NSD3: variants seen among roughly 807,000 people sequenced by gnomAD.
NSD3 encodes histone-lysine N-methyltransferase NSD3.
A neutral mutation model predicts 160.8 loss-of-function variants in NSD3; 24 were observed. The ratio of observed to expected loss-of-function variants is 0.15; its 90% CI spans 0.11 to 0.21. The LOEUF is 0.21. Among genes scored for constraint, NSD3 ranks in the 10% least tolerant of loss-of-function variants. The probability of loss-of-function intolerance (pLI) is 1.00; values close to 1 mark genes in which losing one functional copy is unlikely to be tolerated. For synonymous variants in NSD3, 520 were observed against 600.0 expected (o/e 0.87, Z 1.95); for missense variants, 1,157 against 1,735.9 (o/e 0.67, Z 5.93).
At chr8:38,282,929 C>G (rs1808766151) in intron 19 of NSD3, among the ~76,000 whole-genome samples, 1 of 152,172 alleles carries the variant, frequency 6.6e-6, no homozygotes, top group African/African-American at 2.4e-5. Context: ...TATGAACATT[C>G]TGGTGAAAGT....
At chr8:38,281,432 T>C in intron 20 of NSD3, 35 bp downstream of exon 20, 1 of 1,146,226 alleles carries the variant, frequency 8.7e-7, no homozygotes, top group Non-Finnish European at 1.2e-6. Context: ...CAAAAACAAA[T>C]CCCTTTTTCT....
intron 7 of NSD3, among the ~76,000 whole-genome samples, chr8:38,326,040 C>T (rs1349999764): frequency 6.6e-6 from 1 of 151,572 alleles, no homozygotes; most frequent in Non-Finnish European, 1.5e-5. Context: ...CCCAGCTACT[C>T]AGGAGGCTGA....
Position 38,288,477 on chromosome 8 carries a change from C to T in NSD3, c.3501+10G>A. Reference sequence around the variant, plus strand: ...GGTCTCTTCCACCCCCCACCACCATCCCATGCTACCTTCTTAATGCTCCTT... The same window carrying T: ...GGTCTCTTCCACCCCCCACCACCATTCCATGCTACCTTCTTAATGCTCCTT... On this transcript the variant is annotated intron_variant, in intron 19 of 23. Transcript: ENST00000317025. The surrounding 1 kb of genome is among the most constrained non-coding windows in gnomAD (Gnocchi z 4.5). 6.2e-7 allele frequency: 1 copy of T among 1,612,574 alleles called. No individual in the cohort carries two copies. Among genetic ancestry groups the T allele is most frequent in the Non-Finnish European group, 8.5e-7 (1 of 1,178,818 alleles).
Position 38,271,784 on chromosome 8 carries a change from A to G in NSD3, c.*3857T>C. The stretch of plus-strand genomic sequence containing the variant: ...CCTTTTTCTCATATGGAAGTATAGA[A>G]TGTCAGCTTCCCAGCTGTGAGGGCT... On this transcript the variant is annotated 3_prime_UTR_variant, in exon 24 of 24. Coordinates refer to ENST00000317025, the MANE Select transcript of NSD3 (RefSeq NM_023034.2). 6.6e-6 allele frequency: 1 copy of G among 152,232 alleles called. No homozygotes were observed. The highest frequency in any genetic ancestry group is 1.9e-4 in the East Asian group (1 of 5,198). 9.4% of individuals were successfully genotyped at this position (152,232 alleles called of 1,614,324 possible).
At chr8:38,341,727 G>C (rs1263892703) in intron 2 of NSD3, among the ~76,000 whole-genome samples, 3 of 151,984 alleles carry the variant, frequency 2.0e-5, no homozygotes, top group Non-Finnish European at 4.4e-5. Context: ...TGGGGCAGGT[G>C]GATCACTTGA....
chr8:38,286,891 T>A (rs1808872585), intron 19 of NSD3, among the ~76,000 whole-genome samples: 1 of 152,178 alleles, frequency 6.6e-6, no homozygotes, highest in African/African-American at 2.4e-5. Flanking sequence ...CCTCCTCAGG[T>A]CTCCCTGAGC....
At chr8:38,359,143 T>C (rs543201879) in intron 1 of NSD3, among the ~76,000 whole-genome samples, 2 of 152,284 alleles carry the variant, frequency 1.3e-5, no homozygotes, top group Non-Finnish European at 2.9e-5. Flanking sequence ...AATTCTGGTA[T>C]TGCCCATTTA....
intron 16 of NSD3, among the ~76,000 whole-genome samples, chr8:38,291,188 T>C (rs1340812471): frequency 6.6e-6 from 1 of 152,196 alleles, no homozygotes; most frequent in Non-Finnish European, 1.5e-5. Flanking sequence ...TGTACTAGGT[T>C]TTATATCACT....
chr8:38,299,500 A>C lies in NSD3; in HGVS notation c.2702T>G (p.Leu901Trp), dbSNP rs1809232871. 2 of 1,613,696 alleles carry C rather than the reference A, an allele frequency of 1.2e-6. No homozygotes were observed. The highest frequency in any genetic ancestry group is 3.3e-5 in the Admixed American group (2 of 59,974). ...AGAAGGAATCATAGGTAATTTCATC[A>C]ACTCAGCACGATTTGATTCATTCAG... Reference protein sequence around the residue: ...YLLNESNRAELMKLPMIPSSS... With the variant: ...YLLNESNRAEWMKLPMIPSSS... The change falls in exon 15 of 24, where the codon TTG becomes TGG. Residue 901 changes from leucine to tryptophan, a missense_variant. Physicochemically the swap from Leu to Trp is moderately conservative, Grantham distance 61 (BLOSUM62 -2). This residue lies in a region of NSD3 where 437 missense variants were observed against 576.6 expected (regional missense o/e 0.76). Coordinates refer to ENST00000317025, the MANE Select transcript of NSD3 (RefSeq NM_023034.2).
At chr8:38,326,693 C>A in intron 7 of NSD3, 37 bp downstream of exon 7, 1 of 1,575,112 alleles carries the variant, frequency 6.3e-7, no homozygotes, top group Non-Finnish European at 8.6e-7. Flanking sequence ...AAGGATTTCT[C>A]AAAATGGACC....
intron 1 of NSD3, among the ~76,000 whole-genome samples, chr8:38,351,508 C>CA (rs1810700549): frequency 1.3e-5 from 2 of 151,206 alleles, no homozygotes; most frequent in Admixed American, 1.3e-4. Flanking sequence ...GCTAAAAATA[C>CA]AAAAATTAGC....
Position 38,329,228 on chromosome 8 carries a change from T to C in NSD3, c.1581+150A>G, listed in dbSNP as rs1809990385. 8.2e-6 allele frequency: 8 copies of C among 975,320 alleles called. No individual in the cohort carries two copies. Among genetic ancestry groups the C allele is most frequent in the East Asian group, 7.9e-5 (3 of 37,736 alleles). 60.4% of individuals were successfully genotyped at this position (975,320 alleles called of 1,614,324 possible). On this transcript the variant is annotated intron_variant, in intron 6 of 23. Coordinates refer to ENST00000317025, the MANE Select transcript of NSD3 (RefSeq NM_023034.2). This position sits in a 1 kb window ranked among gnomAD's most constrained non-coding sequence, Gnocchi z 4.8. ...GAAAAACATAGCCTTTTTGCCTGTC[T>C]TTTTTGCCCACAGAGTACAATGACT...
chr8:38,347,466 C>A, intron 2 of NSD3, 31 bp downstream of exon 2: 2 of 1,535,242 alleles, frequency 1.3e-6, no homozygotes, highest in Non-Finnish European at 1.7e-6. Context: ...TGAAATATAA[C>A]AAAATTTTTC....
chr8:38,341,117 C>T (rs561097901), intron 2 of NSD3, among the ~76,000 whole-genome samples: 48 of 151,914 alleles, frequency 3.2e-4, no homozygotes, highest in Admixed American at 1.9e-3. Flanking sequence ...GGTGATGGAG[C>T]GAAACCCCGT....
intron 14 of NSD3, chr8:38,303,398 G>C: frequency 1.0e-6 from 1 of 985,426 alleles, no homozygotes; most frequent in Non-Finnish European, 1.2e-6. Context: ...ATTTGACACT[G>C]CTGTAGTTAA....
intron 1 of NSD3, among the ~76,000 whole-genome samples, chr8:38,358,676 T>C (rs1163153252): frequency 1.3e-5 from 2 of 152,284 alleles, no homozygotes; most frequent in East Asian, 3.9e-4. Flanking sequence ...ATCAAATATA[T>C]TCATATACTA....
chr8:38,335,617 G>A (rs1008296451), intron 4 of NSD3, among the ~76,000 whole-genome samples: 1 of 151,772 alleles, frequency 6.6e-6, no homozygotes, highest in African/African-American at 2.4e-5. Flanking sequence ...TTATTAGAGG[G>A]GTAGGGTACT....
At chr8:38,374,815 T>C (rs1811348003) in intron 1 of NSD3, among the ~76,000 whole-genome samples, 1 of 152,004 alleles carries the variant, frequency 6.6e-6, no homozygotes, top group South Asian at 2.1e-4. Flanking sequence ...CCATCCTAGC[T>C]AACACGGTGA....
chr8:38,343,600 G>A (rs1034384360), intron 2 of NSD3, among the ~76,000 whole-genome samples: 3 of 152,164 alleles, frequency 2.0e-5, no homozygotes, highest in Non-Finnish European at 4.4e-5. Flanking sequence ...CTACTGAGGA[G>A]GCTGAGGCAG....
Sources: gnomAD v4.1 joint callset for allele counts (sites outside exome capture counted in the v4.1 genomes callset) on GRCh38, gnomAD v4.1.1 for gene constraint, gnomAD v4.1.1 regional missense constraint, Gnocchi (gnomAD v3.1) non-coding constraint, MANE v1.5 for transcripts, NCBI Gene and HGNC (gene_info 2026-07-23, HGNC 2026-07-21) for gene names.